Variants in DTWD2 observed in about 807,000 individuals in gnomAD.
DTWD2 encodes the protein DTW motif tRNA-uridine aminocarboxypropyltransferase 2.
Under a neutral mutation model 31.8 loss-of-function variants are expected in DTWD2, and 39 were observed. That is an observed-to-expected ratio of 1.22 (90% confidence interval 0.95 to 1.60). The LOEUF (loss-of-function observed/expected upper bound fraction) is 1.60, where lower values mean the gene tolerates loss of function less well. Among genes scored for constraint, DTWD2 ranks in the 40% most tolerant of loss-of-function variants. The pLI is 0.00. For synonymous variants in DTWD2, 180 were observed against 142.8 expected, an observed-to-expected ratio of 1.26 and a Z score of -1.86; for missense variants, 515 against 381.5, an observed-to-expected ratio of 1.35 and a Z score of -2.92.
At chr5:118,930,651 AC>A (rs1753902880) in intron 3 of DTWD2, among the ~76,000 whole-genome samples, 1 of 152,230 alleles carries the variant, frequency 6.6e-6, no homozygotes, top group Admixed American at 6.5e-5. Flanking sequence ...CTATTATTTA[AC>A]CACAAAAAGA....
intron 4 of DTWD2, among the ~76,000 whole-genome samples, chr5:118,906,669 T>C (rs941916435): frequency 6.6e-6 from 1 of 152,204 alleles, no homozygotes; most frequent in African/African-American, 2.4e-5. Context: ...AAGATCATGG[T>C]TGCCTAAAGA....
Position 118,988,051 on chromosome 5 carries a change from C to G in DTWD2, c.218+243G>C, listed in dbSNP as rs985863873. ...AGTTTCTTGGAAACAGAACTGATGTCTGCTCATCCCATGATACGCTCAGCA... is the reference window on the plus strand; with the variant it reads ...AGTTTCTTGGAAACAGAACTGATGTGTGCTCATCCCATGATACGCTCAGCA... On this transcript the variant is annotated intron_variant, in intron 1 of 5. Coordinates refer to ENST00000510708, the MANE Select transcript of DTWD2 (RefSeq NM_173666.4). 1.1e-5 allele frequency: 8 copies of G among 708,270 alleles called. No homozygotes were observed. In the Admixed American group the frequency reaches 1.6e-4, roughly 14 times the overall value. The allele number at this position is 708,270 out of a possible 1,614,324, so 43.9% of individuals were successfully genotyped here.
chr5:118,986,494 G>A (rs1755430755), intron 1 of DTWD2, among the ~76,000 whole-genome samples: 1 of 152,182 alleles, frequency 6.6e-6, no homozygotes. Flanking sequence ...GTAGTAATGT[G>A]TTCAGAGAAA....
intron 4 of DTWD2, among the ~76,000 whole-genome samples, chr5:118,851,662 G>A (rs770019908): frequency 1.4e-5 from 2 of 140,628 alleles, no homozygotes; most frequent in African/African-American, 5.3e-5. Context: ...ACACAGGAAG[G>A]GGAACATCAC....
intron 1 of DTWD2, among the ~76,000 whole-genome samples, chr5:118,984,384 C>A (rs184789276): frequency 1.1e-4 from 17 of 151,224 alleles, no homozygotes; most frequent in African/African-American, 3.9e-4. Flanking sequence ...TGGTTTGAAC[C>A]TGGGAGGCAG....
intron 4 of DTWD2, among the ~76,000 whole-genome samples, chr5:118,861,583 T>TAA (rs374006976): frequency 3.9e-5 from 6 of 152,118 alleles, no homozygotes; most frequent in African/African-American, 1.2e-4. Flanking sequence ...GATTTTTTTT[T>TAA]AAAAAAGAAT....
intron 4 of DTWD2, among the ~76,000 whole-genome samples, chr5:118,901,666 G>C (rs1753212545): frequency 6.6e-6 from 1 of 152,026 alleles, no homozygotes; most frequent in Non-Finnish European, 1.5e-5. Context: ...TTAAATCTGA[G>C]ACCTGTCAAT....
intron 1 of DTWD2, among the ~76,000 whole-genome samples, chr5:118,971,418 C>T (rs558097357): frequency 5.3e-5 from 8 of 152,270 alleles, no homozygotes; most frequent in Middle Eastern, 3.4e-3. Context: ...GGGTTCAGTT[C>T]AACAAGGAGA....
At chr5:118,939,797 C>T (rs1465590119) in intron 2 of DTWD2, among the ~76,000 whole-genome samples, 2 of 152,018 alleles carry the variant, frequency 1.3e-5, no homozygotes, top group Non-Finnish European at 1.5e-5. Context: ...GTCAAAGGGA[C>T]ACAGAAGCCA....
chr5:118,976,245 T>C (rs927529299), intron 1 of DTWD2, among the ~76,000 whole-genome samples: 75 of 152,084 alleles, frequency 4.9e-4, no homozygotes, highest in African/African-American at 1.8e-3. Flanking sequence ...GTGGGAAAGA[T>C]CTAAAATCAA....
intron 1 of DTWD2, chr5:118,974,171 C>T: frequency 6.8e-7 from 1 of 1,468,284 alleles, no homozygotes; most frequent in Non-Finnish European, 9.3e-7. Context: ...GCCGCCTTGA[C>T]CTATTCACCC....
chr5:118,926,052 G>C (rs919504625), intron 4 of DTWD2, among the ~76,000 whole-genome samples: 1 of 152,104 alleles, frequency 6.6e-6, no homozygotes, highest in Non-Finnish European at 1.5e-5. Flanking sequence ...GGACAACACA[G>C]TGGGACCTCA....
chr5:118,869,142 G>T (rs1170635881), intron 4 of DTWD2, among the ~76,000 whole-genome samples: 3 of 151,984 alleles, frequency 2.0e-5, no homozygotes, highest in African/African-American at 7.3e-5. Context: ...GGTGGTGGTG[G>T]TTGTAAAATA....
At chr5:118,899,956 C>T (rs1320751278) in intron 4 of DTWD2, among the ~76,000 whole-genome samples, 1 of 151,976 alleles carries the variant, frequency 6.6e-6, no homozygotes, top group Admixed American at 6.6e-5. Context: ...CGCACGTCAC[C>T]ACACCCTGAA....
chr5:118,907,018 C>T (rs1481695358), intron 4 of DTWD2, among the ~76,000 whole-genome samples: 3 of 152,142 alleles, frequency 2.0e-5, no homozygotes, highest in Non-Finnish European at 4.4e-5. Flanking sequence ...AGACTGGGAA[C>T]ATGATGACAA....
chr5:118,986,417 A>T (rs576485149), intron 1 of DTWD2, among the ~76,000 whole-genome samples: 3 of 152,312 alleles, frequency 2.0e-5, no homozygotes, highest in African/African-American at 7.2e-5. Context: ...TTCTGCTGAA[A>T]AGTTAAACTG....
chr5:118,962,511 C>T (rs537583043), intron 1 of DTWD2, among the ~76,000 whole-genome samples: 1 of 151,812 alleles, frequency 6.6e-6, no homozygotes, highest in African/African-American at 2.4e-5. Flanking sequence ...ATTAATTTGC[C>T]GATAACTTCT....
intron 4 of DTWD2, among the ~76,000 whole-genome samples, chr5:118,890,766 T>G (rs1452433238): frequency 1.3e-5 from 2 of 152,100 alleles, no homozygotes; most frequent in African/African-American, 4.8e-5. Context: ...AGACGGGGTT[T>G]CGCCATGTTG....
chr5:118,928,564 CT>C lies in DTWD2; in HGVS notation c.569del (p.Lys190ArgfsTer13). ...TWSQAKDIFYKNSLFRHPKQV... is the reference protein window; with the variant it reads ...TWSQAKDIFYXNSLFRHPKQV... ...GTTTGGGATGTCGGAACAAGGAGTT[CT>C]TATAGAAAATGTCCTTAGCCTGGCT... On this transcript the variant is annotated frameshift_variant, in exon 4 of 6. Coordinates refer to ENST00000510708, the MANE Select transcript of DTWD2 (RefSeq NM_173666.4). LOFTEE classifies it high-confidence loss of function. 1 of 1,522,740 alleles carries C rather than the reference CT, an allele frequency of 6.6e-7. No homozygotes were observed. Among genetic ancestry groups the C allele is most frequent in the Non-Finnish European group, 8.8e-7 (1 of 1,136,998 alleles). The allele number at this position is 1,522,740 out of a possible 1,614,324, so 94.3% of individuals were successfully genotyped here.
Sources: allele counts gnomAD v4.1 joint callset (sites outside exome capture counted in the v4.1 genomes callset), GRCh38; gene constraint gnomAD v4.1.1; transcripts MANE v1.5; gene names NCBI Gene and HGNC (gene_info 2026-07-23, HGNC 2026-07-21).